The following CCSER1 variants were observed in gnomAD, a reference collection of about 807,000 sequenced individuals.
CCSER1 encodes serine-rich coiled-coil domain-containing protein 1.
In CCSER1, 41 loss-of-function variants were observed where a neutral mutation model predicts 82.0. That is an observed-to-expected ratio of 0.50 (90% CI 0.39 to 0.65). The LOEUF is 0.65. Among genes scored for constraint, CCSER1 ranks in the 30% least tolerant of loss-of-function variants. The pLI, the probability that CCSER1 is intolerant of heterozygous loss-of-function variation, is 0.00. For missense variants in CCSER1, 1,119 were observed against 1,064.2 expected (o/e 1.05, Z -0.72); for synonymous variants, 414 against 383.9 (o/e 1.08, Z -0.92).
chr4:90,422,281 C>A (rs965018391), intron 4 of CCSER1, among the ~76,000 whole-genome samples: 31 of 152,144 alleles, frequency 2.0e-4, no homozygotes, highest in African/African-American at 7.0e-4. Context: ...GTGCTCAATT[C>A]AACAACGGAA....
At chr4:90,341,080 A>G (rs1162068564) in intron 3 of CCSER1, among the ~76,000 whole-genome samples, 5 of 152,134 alleles carry the variant, frequency 3.3e-5, no homozygotes, top group Non-Finnish European at 5.9e-5. Flanking sequence ...AAATTATTAT[A>G]AATAGAAAAT....
chr4:90,901,880 G>C (rs898296201), intron 8 of CCSER1, among the ~76,000 whole-genome samples: 1 of 151,958 alleles, frequency 6.6e-6, no homozygotes, highest in Non-Finnish European at 1.5e-5. Flanking sequence ...ATTTCTTCCA[G>C]TGTTTTCCAG....
At chr4:91,182,689 A>G (rs1396538315) in intron 10 of CCSER1, among the ~76,000 whole-genome samples, 1 of 152,198 alleles carries the variant, frequency 6.6e-6, no homozygotes, top group Non-Finnish European at 1.5e-5. Context: ...AATGCCCATC[A>G]CCACAAAACT....
intron 8 of CCSER1, among the ~76,000 whole-genome samples, chr4:90,822,472 T>TA (rs750577147): frequency 1.2e-4 from 18 of 152,220 alleles, no homozygotes; most frequent in Non-Finnish European, 2.5e-4. Flanking sequence ...CTCACGCCTG[T>TA]AATCCCAGCA....
chr4:91,130,104 A>G (rs1437330952), intron 10 of CCSER1: 1 of 151,914 alleles, frequency 6.6e-6, no homozygotes, highest in Non-Finnish European at 1.5e-5. Context: ...ATATAAAGGG[A>G]ATGTCTGCAG....
In CCSER1 at chr4:90,261,097, A is replaced by G. The variant is rs188896836; in HGVS notation, c.-41-47147A>G. 2.1e-4 allele frequency among the ~76,000 whole-genome samples: 32 copies of G among 152,088 alleles called. 1 individual carries two copies. In the East Asian group the frequency reaches 6.2e-3, roughly 29 times the overall value. The stretch of plus-strand genomic sequence containing the variant: ...TAGGCCATTTACATTCAATGTTATT[A>G]TTGAGATACGAAGTACTGTTATATT... On this transcript the variant is annotated intron_variant, in intron 1 of 10. Transcript: ENST00000509176.
rs1458474174 is a variant in CCSER1, at chr4:91,113,879, G to A, written c.2217+27885G>A. 3.3e-5 allele frequency among the ~76,000 whole-genome samples: 5 copies of A among 149,302 alleles called. No individual in the cohort carries two copies. In the South Asian group the frequency reaches 1.1e-3, roughly 31 times the overall value. On this transcript the variant is annotated intron_variant, in intron 10 of 10. Transcript: ENST00000509176. Reference sequence around the variant, plus strand: ...TTTTTTTTTTCTTTTTTGATACGGAGTCTCGCTCTGTCGCTCAGGCTGGAG... The same window carrying A: ...TTTTTTTTTTCTTTTTTGATACGGAATCTCGCTCTGTCGCTCAGGCTGGAG...
At chr4:90,216,615 T>C (rs1231752646) in intron 1 of CCSER1, among the ~76,000 whole-genome samples, 1 of 152,208 alleles carries the variant, frequency 6.6e-6, no homozygotes, top group East Asian at 1.9e-4. Flanking sequence ...CTCTAGTCTG[T>C]TTCATTGATC....
chr4:91,121,560 A>G (rs1172700209), intron 10 of CCSER1, among the ~76,000 whole-genome samples: 1 of 151,656 alleles, frequency 6.6e-6, no homozygotes, highest in East Asian at 1.9e-4. Flanking sequence ...TTACTTCAGT[A>G]TGTGCTATGT....
At chr4:90,554,867 A>G (rs1777927285) in intron 5 of CCSER1, among the ~76,000 whole-genome samples, 1 of 152,196 alleles carries the variant, frequency 6.6e-6, no homozygotes, top group Non-Finnish European at 1.5e-5. Flanking sequence ...CAGGAGAGTA[A>G]GGAGGGCAGC....
At position 90,774,468 on chromosome 4, in the gene CCSER1, A is replaced by G. The variant is rs1187033215; in HGVS notation, c.2011-41294A>G. ...TTTTCATGATAATATAATGAGTCAT[A>G]GAAAATTTGCATTGAGATTTATTGA... On this transcript the variant is annotated intron_variant, in intron 7 of 10. Transcript: ENST00000509176. Among the ~76,000 whole-genome samples the G allele has an allele frequency of 2.6e-5, 4 of 152,238 alleles. No individual in the cohort carries two copies. The East Asian group carries it at 5.8e-4, about 22-fold the overall frequency.
intron 5 of CCSER1, among the ~76,000 whole-genome samples, chr4:90,622,344 T>A (rs961119113): frequency 2.0e-5 from 3 of 152,198 alleles, no homozygotes; most frequent in South Asian, 2.1e-4. Flanking sequence ...TATGTATACA[T>A]GTGCCATGTT....
chr4:91,209,848 T>C (rs1736664663), intron 10 of CCSER1, among the ~76,000 whole-genome samples: 1 of 151,820 alleles, frequency 6.6e-6, no homozygotes, highest in South Asian at 2.1e-4. Flanking sequence ...TATATAGATG[T>C]GTATGTGTAC....
intron 4 of CCSER1, among the ~76,000 whole-genome samples, chr4:90,437,494 G>T (rs1378753661): frequency 6.6e-6 from 1 of 152,110 alleles, no homozygotes; most frequent in Non-Finnish European, 1.5e-5. Context: ...TTACTAGTTG[G>T]ATGTCTTTAA....
chr4:91,123,651 G>A (rs1203589812), intron 10 of CCSER1, among the ~76,000 whole-genome samples: 2 of 151,624 alleles, frequency 1.3e-5, no homozygotes, highest in Non-Finnish European at 3.0e-5. Flanking sequence ...ATCACTTACC[G>A]CATTTGTGTG....
intron 1 of CCSER1, chr4:90,235,260 A>G (rs1484791193): frequency 6.6e-6 from 1 of 152,260 alleles, no homozygotes; most frequent in Non-Finnish European, 1.5e-5. Context: ...CTGCTTTTAG[A>G]TTTCACTTGC....
At chr4:91,179,074 G>A (rs971256455) in intron 10 of CCSER1, among the ~76,000 whole-genome samples, 1 of 152,116 alleles carries the variant, frequency 6.6e-6, no homozygotes, top group Non-Finnish European at 1.5e-5. Context: ...TAGTTTGGCT[G>A]GACATGAAAT....
chr4:90,635,972 T>G (rs1275051383), intron 6 of CCSER1, among the ~76,000 whole-genome samples: 1 of 151,356 alleles, frequency 6.6e-6, no homozygotes, highest in Non-Finnish European at 1.5e-5. Flanking sequence ...AAAGACATAA[T>G]AAAGAACAAA....
At chr4:90,194,701 G>T (rs1449327027) in intron 1 of CCSER1, among the ~76,000 whole-genome samples, 1 of 151,914 alleles carries the variant, frequency 6.6e-6, no homozygotes, top group Non-Finnish European at 1.5e-5. Context: ...TGGATAGCTG[G>T]AAGGCCCAAG....
Sources: gnomAD v4.1 joint callset for allele counts (sites outside exome capture counted in the v4.1 genomes callset) on GRCh38, gnomAD v4.1.1 for gene constraint, MANE v1.5 for transcripts, NCBI Gene and HGNC (gene_info 2026-07-23, HGNC 2026-07-21) for gene names.